Variants in RORA observed in about 807,000 individuals in gnomAD.
The protein encoded by RORA is RAR related orphan receptor A.
RORA carries 7 observed loss-of-function variants against 69.5 expected under a neutral mutation model. The observed-to-expected ratio is 0.10, with a 90% CI of 0.06 to 0.19. The LOEUF (loss-of-function observed/expected upper bound fraction) is 0.19, where lower values mean the gene tolerates loss of function less well. Ranked by LOEUF, RORA falls within the 10% of genes least tolerant of loss-of-function variation. The pLI is 1.00. For missense variants in RORA, 457 were observed against 663.0 expected (o/e 0.69, Z 3.41); for synonymous variants, 261 against 240.8 (o/e 1.08, Z -0.78).
intron 1 of RORA, among the ~76,000 whole-genome samples, chr15:61,217,930 A>C (rs991946699): frequency 6.6e-6 from 1 of 152,136 alleles, no homozygotes; most frequent in Non-Finnish European, 1.5e-5. Flanking sequence ...TGAAGTCATA[A>C]TGAGTAACAC....
At chr15:61,106,132 G>A (rs1262758591) in intron 1 of RORA, among the ~76,000 whole-genome samples, 1 of 152,210 alleles carries the variant, frequency 6.6e-6, no homozygotes, top group Non-Finnish European at 1.5e-5. Context: ...AGAAACACTA[G>A]TTCTCATCAA....
chr15:60,778,048 A>G (rs1282265349), intron 1 of RORA, among the ~76,000 whole-genome samples: 1 of 152,168 alleles, frequency 6.6e-6, no homozygotes, highest in South Asian at 2.1e-4. Context: ...TTAAAACTCA[A>G]GCTATAGCCT....
chr15:60,662,214 C>T (rs1289265142), intron 2 of RORA, among the ~76,000 whole-genome samples: 1 of 152,162 alleles, frequency 6.6e-6, no homozygotes, highest in African/African-American at 2.4e-5. Context: ...TCTTTGATAG[C>T]CACCACTAAT....
chr15:60,538,777 A>G (rs1462302649), intron 2 of RORA, among the ~76,000 whole-genome samples: 2 of 152,072 alleles, frequency 1.3e-5, no homozygotes, highest in Non-Finnish European at 2.9e-5. Context: ...TTAACATAAT[A>G]AACATATATG....
intron 1 of RORA, among the ~76,000 whole-genome samples, chr15:61,183,362 C>T (rs1210370483): frequency 1.3e-5 from 2 of 152,104 alleles, no homozygotes; most frequent in Non-Finnish European, 2.9e-5. Flanking sequence ...TGGTGAAACC[C>T]CATCCCTACT....
At chr15:60,847,815 C>T (rs1252839335) in intron 1 of RORA, 2 of 152,206 alleles carry the variant, frequency 1.3e-5, no homozygotes, top group Non-Finnish European at 2.9e-5. Context: ...TACTTCTTAA[C>T]ATGTGGCTAC....
intron 8 of RORA, among the ~76,000 whole-genome samples, chr15:60,501,555 G>A (rs1257429043): frequency 2.0e-5 from 3 of 152,118 alleles, no homozygotes; most frequent in Non-Finnish European, 4.4e-5. Context: ...GCAAAGCTAG[G>A]CTGACTGATT....
At chr15:61,102,036 C>T (rs372290813) in intron 1 of RORA, among the ~76,000 whole-genome samples, 6 of 152,210 alleles carry the variant, frequency 3.9e-5, no homozygotes, top group South Asian at 2.1e-4. Context: ...TAAGAACACA[C>T]CCTAACAAAC....
intron 1 of RORA, among the ~76,000 whole-genome samples, chr15:60,767,210 G>A (rs1471993085): frequency 2.0e-5 from 3 of 152,088 alleles, no homozygotes; most frequent in Admixed American, 2.0e-4. Context: ...AGACTGAGGT[G>A]GTGGAACAGT....
intron 1 of RORA, among the ~76,000 whole-genome samples, chr15:61,186,705 C>T (rs1337780487): frequency 6.6e-6 from 1 of 151,190 alleles, no homozygotes; most frequent in East Asian, 1.9e-4. Flanking sequence ...ATGGCACTGT[C>T]CCCTGGGAGG....
intron 1 of RORA, among the ~76,000 whole-genome samples, chr15:60,923,655 T>C (rs1892115688): frequency 6.6e-6 from 1 of 152,240 alleles, no homozygotes; most frequent in Admixed American, 6.5e-5. Flanking sequence ...TAGTGACTTA[T>C]ATCTAAAGAC....
chr15:60,540,574 C>CCCCCCCCG lies in RORA; in HGVS notation c.197-8724_197-8723insCGGGGGGG, dbSNP rs1555428642. Among the ~76,000 whole-genome samples the CCCCCCCCG allele has an allele frequency of 1.5e-4, 15 of 102,640 alleles. 1 individual carries two copies. Among genetic ancestry groups the CCCCCCCCG allele is most frequent in the African/African-American group, 4.5e-4 (10 of 22,392 alleles). The allele number at this position is 102,640 out of a possible 152,430, so 67.3% of individuals were successfully genotyped here. A position where few individuals can be genotyped will look rare whatever the true frequency, so the allele number is the denominator to read the frequency against. On this transcript the variant is annotated intron_variant, in intron 2 of 10. Transcript: ENST00000335670. The stretch of plus-strand genomic sequence containing the variant: ...TGCACAATTTCCATGACCCCCCCCC[C>CCCCCCCCG]CCAAAACTGTGCGGTCACAAAACCC...
At chr15:60,704,976 G>A (rs546113886) in intron 1 of RORA, among the ~76,000 whole-genome samples, 1 of 152,340 alleles carries the variant, frequency 6.6e-6, no homozygotes, top group South Asian at 2.1e-4. Context: ...GCTTCCACGT[G>A]TGACTGCCGA....
At chr15:60,938,728 T>G (rs376710347) in intron 1 of RORA, among the ~76,000 whole-genome samples, 1 of 97,128 alleles carries the variant, frequency 1.0e-5, no homozygotes, top group Admixed American at 1.2e-4. Flanking sequence ...CAGTGAGACC[T>G]CATCTAAAAA....
intron 1 of RORA, among the ~76,000 whole-genome samples, chr15:61,126,353 A>G (rs1259767405): frequency 6.6e-6 from 1 of 152,196 alleles, no homozygotes; most frequent in Non-Finnish European, 1.5e-5. Context: ...CAACTTACAC[A>G]CCTTTTTTTG....
chr15:60,870,015 T>C lies in RORA; in HGVS notation c.167-191329A>G, dbSNP rs1395478472. 2.6e-5 allele frequency among the ~76,000 whole-genome samples: 4 copies of C among 152,240 alleles called. No homozygotes were observed. The South Asian group carries it at 8.3e-4, about 32-fold the overall frequency. On this transcript the variant is annotated intron_variant, in intron 1 of 10. Transcript: ENST00000335670. ...CTTATCTTTTCTCACTGTGGTTGAC[T>C]GGGCCAAGGAAAATATCTCCATGAA...
intron 2 of RORA, among the ~76,000 whole-genome samples, chr15:60,609,635 G>A (rs1240531146): frequency 1.3e-5 from 2 of 152,142 alleles, no homozygotes; most frequent in Non-Finnish European, 1.5e-5. Context: ...AACAGAAGCC[G>A]CCGCATCTCA....
In RORA at chr15:61,229,226, C is replaced by T; in HGVS notation, c.-8G>A. The T allele has an allele frequency of 7.5e-7, 1 of 1,337,680 alleles. No individual in the cohort carries two copies. The highest frequency in any genetic ancestry group is 1.3e-5 in the South Asian group (1 of 76,290). 82.9% of individuals were successfully genotyped at this position (1,337,680 alleles called of 1,614,324 possible). A position where few individuals can be genotyped will look rare whatever the true frequency, so the allele number is the denominator to read the frequency against. ...TGCCGGAGCTGACTCCATGTTTTTTCCCAATGTAGAGATCGCTGGAGATGG... is the reference window on the plus strand; with the variant it reads ...TGCCGGAGCTGACTCCATGTTTTTTTCCAATGTAGAGATCGCTGGAGATGG... On this transcript the variant is annotated 5_prime_UTR_variant, in exon 1 of 11. Coordinates refer to ENST00000335670, the MANE Select transcript of RORA (RefSeq NM_134261.3).
intron 1 of RORA, among the ~76,000 whole-genome samples, chr15:61,175,628 G>T (rs1206494302): frequency 1.3e-5 from 2 of 151,818 alleles, no homozygotes; most frequent in Non-Finnish European, 2.9e-5. Context: ...GGGCGTGGGG[G>T]ATTGCTTGAG....
Sources: gnomAD v4.1 joint callset for allele counts (sites outside exome capture counted in the v4.1 genomes callset) on GRCh38, gnomAD v4.1.1 for gene constraint, MANE v1.5 for transcripts, NCBI Gene and HGNC (gene_info 2026-07-23, HGNC 2026-07-21) for gene names.